The following DNAI4 variants were observed in gnomAD, a reference collection of about 807,000 sequenced individuals.
DNAI4 encodes dynein axonemal intermediate chain 4.
Under a neutral mutation model 105.8 loss-of-function variants are expected in DNAI4, and 85 were observed. The ratio of observed to expected loss-of-function variants is 0.80; its 90% CI spans 0.67 to 0.96. The LOEUF (loss-of-function observed/expected upper bound fraction) is 0.96, where lower values mean the gene tolerates loss of function less well. DNAI4 is among the 40% of genes least tolerant of loss of function. The pLI, the probability that DNAI4 is intolerant of heterozygous loss-of-function variation, is 0.00. For synonymous variants in DNAI4, 352 were observed against 331.5 expected (o/e 1.06, Z -0.67); for missense variants, 1,014 against 1,005.6 (o/e 1.01, Z -0.11).
At chr1:66,838,902 A>G (rs1347363319) in intron 9 of DNAI4, among the ~76,000 whole-genome samples, 1 of 152,222 alleles carries the variant, frequency 6.6e-6, no homozygotes, top group African/African-American at 2.4e-5. Flanking sequence ...GGGTCTATGT[A>G]TAACTTCATT....
rs539319350 is a variant in DNAI4 at position 66,862,410 on chromosome 1, G to T, written c.941-108C>A. Reference sequence around the variant, plus strand: ...AGCTAAGATAAGAATATCTACTATTGCCTGATGCAGTTGCCCGTGCCAGCT... The same window carrying T: ...AGCTAAGATAAGAATATCTACTATTTCCTGATGCAGTTGCCCGTGCCAGCT... On this transcript the variant is annotated intron_variant, in intron 6 of 16. Coordinates refer to ENST00000371026, the MANE Select transcript of DNAI4 (RefSeq NM_024763.5). 4 of 1,207,062 alleles carry T rather than the reference G, an allele frequency of 3.3e-6. No homozygotes were observed. The African/African-American group carries it at 6.3e-5, about 19-fold the overall frequency. 74.8% of individuals were successfully genotyped at this position (1,207,062 alleles called of 1,614,324 possible). A position where few individuals can be genotyped will look rare whatever the true frequency, so the allele number is the denominator to read the frequency against.
At chr1:66,876,540 C>A (rs548214160) in intron 4 of DNAI4, among the ~76,000 whole-genome samples, 9 of 152,178 alleles carry the variant, frequency 5.9e-5, no homozygotes, top group Admixed American at 1.3e-4. Flanking sequence ...GAGGACTTAC[C>A]ATTCATAGAC....
At chr1:66,838,763 C>A (rs1161018900) in intron 9 of DNAI4, among the ~76,000 whole-genome samples, 1 of 152,198 alleles carries the variant, frequency 6.6e-6, no homozygotes, top group Non-Finnish European at 1.5e-5. Flanking sequence ...TGACATATCC[C>A]TATTTATCTC....
At chr1:66,879,571 T>C (rs1647024264) in intron 4 of DNAI4, among the ~76,000 whole-genome samples, 1 of 152,298 alleles carries the variant, frequency 6.6e-6, no homozygotes, top group Middle Eastern at 3.4e-3. Context: ...CTTGATGATA[T>C]GGTAAGAGTA....
At chr1:66,895,834 G>C (rs1020785932) in intron 2 of DNAI4, among the ~76,000 whole-genome samples, 1 of 152,094 alleles carries the variant, frequency 6.6e-6, no homozygotes, top group African/African-American at 2.4e-5. Flanking sequence ...CTGTTAATGT[G>C]GTAAATTACA....
At chr1:66,833,787 AAAT>A (rs1247679270) in intron 12 of DNAI4, 81 bp from the exon 13 acceptor site, 3 of 1,519,856 alleles carry the variant, frequency 2.0e-6, no homozygotes, top group African/African-American at 1.4e-5. Flanking sequence ...TTTCTCCTGC[AAAT>A]AATAATATTA....
chr1:66,867,647 C>T (rs903392198), intron 6 of DNAI4, among the ~76,000 whole-genome samples: 1 of 152,028 alleles, frequency 6.6e-6, no homozygotes, highest in Non-Finnish European at 1.5e-5. Context: ...TGGAGGGACA[C>T]GTCAGAACTA....
At chr1:66,910,504 TAC>T (rs914006842) in intron 1 of DNAI4, among the ~76,000 whole-genome samples, 1 of 152,196 alleles carries the variant, frequency 6.6e-6, no homozygotes, top group Non-Finnish European at 1.5e-5. Flanking sequence ...CTCATACAGG[TAC>T]ATACTTAGCA....
intron 2 of DNAI4, among the ~76,000 whole-genome samples, chr1:66,903,155 C>T (rs1407501591): frequency 1.3e-5 from 2 of 152,194 alleles, no homozygotes; most frequent in East Asian, 1.9e-4. Context: ...AACACTATTA[C>T]GCCTTCCAAT....
chr1:66,825,166 C>CTTTTTTTTTTTTT (rs759572433), intron 15 of DNAI4, among the ~76,000 whole-genome samples: 2 of 95,908 alleles, frequency 2.1e-5, no homozygotes, highest in Non-Finnish European at 4.0e-5. Context: ...TAATAACTGT[C>CTTTTTTTTTTTTT]TTTTTTTTTT....
intron 11 of DNAI4, among the ~76,000 whole-genome samples, chr1:66,835,143 G>C (rs1645953646): frequency 6.6e-6 from 1 of 151,950 alleles, no homozygotes; most frequent in Admixed American, 6.6e-5. Flanking sequence ...ATGACAGAAA[G>C]GTATGTAAGA....
At chr1:66,896,509 G>A (rs1648352654) in intron 2 of DNAI4, among the ~76,000 whole-genome samples, 1 of 152,142 alleles carries the variant, frequency 6.6e-6, no homozygotes. Context: ...TGGAAATGTG[G>A]TCCCAATGCA....
chr1:66,855,777 T>C (rs1005553882), intron 7 of DNAI4, among the ~76,000 whole-genome samples: 1 of 152,220 alleles, frequency 6.6e-6, no homozygotes, highest in Admixed American at 6.5e-5. Flanking sequence ...CACTCCTCTA[T>C]ATCAGTAATT....
chr1:66,871,610 G>T, intron 5 of DNAI4, 101 bp from the exon 6 acceptor site: 1 of 1,215,262 alleles, frequency 8.2e-7, no homozygotes, highest in Non-Finnish European at 1.1e-6. Flanking sequence ...TCCTTAATGT[G>T]GCTTGCACCA....
At chr1:66,866,334 T>G (rs756761164) in intron 6 of DNAI4, among the ~76,000 whole-genome samples, 15 of 151,004 alleles carry the variant, frequency 9.9e-5, no homozygotes, top group Non-Finnish European at 2.1e-4. Context: ...AAAAGAATGG[T>G]AAATGCAAGC....
chr1:66,838,383 A>G (rs1646075622), intron 9 of DNAI4, among the ~76,000 whole-genome samples: 1 of 152,198 alleles, frequency 6.6e-6, no homozygotes, highest in Non-Finnish European at 1.5e-5. Flanking sequence ...GTGAAAAGGC[A>G]GCCACTGCAA....
chr1:66,871,530 C>A, intron 5 of DNAI4, 21 bp from the exon 6 acceptor site: 1 of 1,549,614 alleles, frequency 6.5e-7, no homozygotes, highest in South Asian at 1.3e-5. Flanking sequence ...TAAAGTGTAT[C>A]CAACTCATTA....
At chr1:66,836,474 A>T (rs1306616111) in intron 10 of DNAI4, among the ~76,000 whole-genome samples, 1 of 152,184 alleles carries the variant, frequency 6.6e-6, no homozygotes, top group South Asian at 2.1e-4. Flanking sequence ...CATCTAGCAT[A>T]TAATTCCTGT....
At chr1:66,836,226 G>A (rs1366966401) in intron 10 of DNAI4, among the ~76,000 whole-genome samples, 19 of 132,300 alleles carry the variant, frequency 1.4e-4, no homozygotes, top group South Asian at 4.9e-4. Flanking sequence ...GAGAGAGAGA[G>A]AGAGAGAGAA....
Sources: allele counts gnomAD v4.1 joint callset (sites outside exome capture counted in the v4.1 genomes callset), GRCh38; gene constraint gnomAD v4.1.1; transcripts MANE v1.5; gene names NCBI Gene and HGNC (gene_info 2026-07-23, HGNC 2026-07-21).